NRXN3: variants seen among roughly 807,000 people sequenced by gnomAD.
NRXN3 encodes the protein neurexin III.
Under a neutral mutation model 137.6 loss-of-function variants are expected in NRXN3, and 32 were observed. The ratio of observed to expected loss-of-function variants is 0.23; its 90% confidence interval spans 0.18 to 0.31. The LOEUF (loss-of-function observed/expected upper bound fraction) is 0.31. Among genes scored for constraint, NRXN3 ranks in the 10% least tolerant of loss-of-function variants. The pLI is 1.00. For synonymous variants in NRXN3, 798 were observed against 784.5 expected (o/e 1.02, Z -0.29); for missense variants, 1,574 against 2,062.5 (o/e 0.76, Z 4.59).
chr14:78,815,249 A>T (rs973818641), intron 10 of NRXN3, among the ~76,000 whole-genome samples: 2 of 152,172 alleles, frequency 1.3e-5, no homozygotes, highest in Admixed American at 6.5e-5. Context: ...TATTGACCTT[A>T]AGACACTTAA....
intron 15 of NRXN3, among the ~76,000 whole-genome samples, chr14:79,144,686 A>T (rs2153008466): frequency 6.6e-6 from 1 of 152,312 alleles, no homozygotes; most frequent in African/African-American, 2.4e-5. Flanking sequence ...TTGGAAGCGT[A>T]ACATTTTCTT....
intron 4 of NRXN3, among the ~76,000 whole-genome samples, chr14:78,384,174 C>A (rs1343817222): frequency 1.3e-5 from 2 of 152,146 alleles, no homozygotes; most frequent in Non-Finnish European, 2.9e-5. Context: ...GAAGGAGGAA[C>A]CTGGCCAGAT....
chr14:79,342,427 G>T (rs1403752176), intron 15 of NRXN3, among the ~76,000 whole-genome samples: 1 of 151,736 alleles, frequency 6.6e-6, no homozygotes, highest in Admixed American at 6.6e-5. Context: ...TACATTTAAG[G>T]ACTTTAGAGA....
At chr14:78,441,518 T>C (rs986645100) in intron 4 of NRXN3, among the ~76,000 whole-genome samples, 6 of 152,106 alleles carry the variant, frequency 3.9e-5, no homozygotes, top group Non-Finnish European at 8.8e-5. Context: ...TCTCCCTTCT[T>C]AGAGTCAGAG....
intron 15 of NRXN3, among the ~76,000 whole-genome samples, chr14:79,290,716 G>T (rs1157308761): frequency 6.6e-6 from 1 of 150,734 alleles, no homozygotes; most frequent in Non-Finnish European, 1.5e-5. Context: ...TTTTAAAAAT[G>T]CGTCTATGGG....
At chr14:78,528,814 A>G (rs1222821864) in intron 4 of NRXN3, among the ~76,000 whole-genome samples, 1 of 152,118 alleles carries the variant, frequency 6.6e-6, no homozygotes, top group Non-Finnish European at 1.5e-5. Context: ...GGATATTTCC[A>G]TTCATTTTTG....
intron 15 of NRXN3, among the ~76,000 whole-genome samples, chr14:79,121,374 T>G (rs2055400347): frequency 6.6e-6 from 1 of 152,192 alleles, no homozygotes; most frequent in Admixed American, 6.5e-5. Context: ...CATGAGGGCT[T>G]ACCAATAAGT....
intron 10 of NRXN3, among the ~76,000 whole-genome samples, chr14:78,837,835 T>A (rs569379734): frequency 6.6e-6 from 1 of 152,186 alleles, no homozygotes; most frequent in Admixed American, 6.5e-5. Context: ...AACATATTGG[T>A]GTAGATGCAA....
At chr14:79,037,995 T>C (rs777393167) in intron 15 of NRXN3, among the ~76,000 whole-genome samples, 3 of 152,100 alleles carry the variant, frequency 2.0e-5, no homozygotes, top group Non-Finnish European at 4.4e-5. Context: ...CCTGCTGACT[T>C]TGTAGACTGT....
chr14:79,765,536 G>T (rs576937255), intron 19 of NRXN3, among the ~76,000 whole-genome samples: 1 of 152,274 alleles, frequency 6.6e-6, no homozygotes, highest in Non-Finnish European at 1.5e-5. Flanking sequence ...GACACTATTA[G>T]GGGACAGATA....
chr14:79,133,391 T>C (rs1027613898), intron 15 of NRXN3, among the ~76,000 whole-genome samples: 6 of 152,248 alleles, frequency 3.9e-5, no homozygotes, highest in Non-Finnish European at 7.4e-5. Flanking sequence ...CCAGCCGTAA[T>C]TGGAGACCAG....
At chr14:79,503,748 A>G (rs1392452962) in intron 16 of NRXN3, among the ~76,000 whole-genome samples, 1 of 152,168 alleles carries the variant, frequency 6.6e-6, no homozygotes, top group Non-Finnish European at 1.5e-5. Flanking sequence ...AGTGTCTCAT[A>G]GACCTTCTGG....
At chr14:78,309,391 C>A (rs1422297227) in intron 4 of NRXN3, among the ~76,000 whole-genome samples, 3 of 151,208 alleles carry the variant, frequency 2.0e-5, no homozygotes, top group African/African-American at 7.3e-5. Flanking sequence ...ATTATTTTGT[C>A]ACCCAGGTAA....
intron 4 of NRXN3, among the ~76,000 whole-genome samples, chr14:78,445,048 T>C (rs540800330): frequency 2.0e-5 from 3 of 152,190 alleles, no homozygotes; most frequent in African/African-American, 7.2e-5. Flanking sequence ...GAAGAAATTA[T>C]ATCTGTTCTT....
At chr14:78,776,716 C>A (rs368337980) in intron 8 of NRXN3, among the ~76,000 whole-genome samples, 4 of 152,286 alleles carry the variant, frequency 2.6e-5, no homozygotes, top group South Asian at 2.1e-4. Context: ...AAGGACTTTG[C>A]TAGGATTTGT....
intron 4 of NRXN3, among the ~76,000 whole-genome samples, chr14:78,548,865 A>G (rs2096660505): frequency 6.6e-6 from 1 of 152,070 alleles, no homozygotes; most frequent in Non-Finnish European, 1.5e-5. Context: ...CTAGGAGCCC[A>G]CTCTACCAAA....
intron 4 of NRXN3, among the ~76,000 whole-genome samples, chr14:78,636,800 A>G (rs1287008074): frequency 6.6e-6 from 1 of 152,122 alleles, no homozygotes; most frequent in African/African-American, 2.4e-5. Context: ...GTGCAGTACA[A>G]TTGGCCCAGG....
At chr14:79,385,887 G>C (rs151241296) in intron 15 of NRXN3, among the ~76,000 whole-genome samples, 37 of 152,118 alleles carry the variant, frequency 2.4e-4, no homozygotes, top group African/African-American at 7.5e-4. Flanking sequence ...CAGAAAAGGC[G>C]TTTGACAAAA....
chr14:78,253,283 G>T (rs1325946942), intron 2 of NRXN3, among the ~76,000 whole-genome samples: 3 of 152,212 alleles, frequency 2.0e-5, no homozygotes, highest in Non-Finnish European at 4.4e-5. Flanking sequence ...GGATCATGTG[G>T]CCCTGTTAGA....
Sources: allele counts gnomAD v4.1 joint callset (sites outside exome capture counted in the v4.1 genomes callset), GRCh38; gene constraint gnomAD v4.1.1; transcripts MANE v1.5; gene names NCBI Gene and HGNC (gene_info 2026-07-23, HGNC 2026-07-21).